Variants in AOPEP observed in about 807,000 individuals in gnomAD.
AOPEP encodes aminopeptidase O (putative).
Under a neutral mutation model 98.1 loss-of-function variants are expected in AOPEP, and 77 were observed. That is an observed-to-expected ratio of 0.78 (90% CI 0.65 to 0.95). The LOEUF is 0.95. Ranked by LOEUF, AOPEP falls within the 40% of genes least tolerant of loss-of-function variation. AOPEP has a pLI of 0.00. For synonymous variants in AOPEP, 346 were observed against 365.3 expected, an observed-to-expected ratio of 0.95 and a Z score of 0.60; for missense variants, 1,024 against 1,024.7, an observed-to-expected ratio of 1.00 and a Z score of 0.01.
At chr9:95,065,542 A>G (rs1166670501) in intron 14 of AOPEP, 2 of 152,276 alleles carry the variant, frequency 1.3e-5, no homozygotes, top group African/African-American at 4.8e-5. Flanking sequence ...TTACTAAGCC[A>G]GCTGGCTCAC....
chr9:94,962,831 C>T (rs1030074860), intron 9 of AOPEP, among the ~76,000 whole-genome samples: 3 of 147,226 alleles, frequency 2.0e-5, no homozygotes, highest in African/African-American at 5.1e-5. Context: ...CTTGTGGGTT[C>T]ACGCCATTCT....
At chr9:95,080,412 G>T (rs1369541327) in intron 14 of AOPEP, among the ~76,000 whole-genome samples, 1 of 152,222 alleles carries the variant, frequency 6.6e-6, no homozygotes, top group Non-Finnish European at 1.5e-5. Context: ...AGCTACTTGG[G>T]AGGCTGAGGC....
At position 94,800,941 on chromosome 9, in the gene AOPEP, C is replaced by G; in HGVS notation, c.1303C>G (p.Pro435Ala). ...AGCACATTCTGTTCTGGGAGCACAC[C>G]CGTTCTCTCGGCTGGATGTTCTCAT... ...SAAHSVLGAH[P>A]FSRLDVLIVP... Residue 435 changes from proline to alanine, a missense_variant, in exon 5 of 17, where the codon CCG becomes GCG. This residue lies in a region of AOPEP where 566 missense variants were observed against 551.7 expected (regional missense o/e 1.03). Coordinates refer to ENST00000375315, the MANE Select transcript of AOPEP (RefSeq NM_001193329.3). The G allele has an allele frequency of 6.2e-7, 1 of 1,614,194 alleles. No individual in the cohort carries two copies. The highest frequency in any genetic ancestry group is 8.5e-7 in the Non-Finnish European group (1 of 1,180,032).
chr9:94,963,661 G>A (rs1267827895), intron 9 of AOPEP, among the ~76,000 whole-genome samples: 1 of 152,134 alleles, frequency 6.6e-6, no homozygotes, highest in African/African-American at 2.4e-5. Context: ...CTGCAGAGGT[G>A]ACAAGCTGGG....
intron 7 of AOPEP, among the ~76,000 whole-genome samples, chr9:94,954,232 A>G (rs1359940184): frequency 1.3e-5 from 2 of 152,088 alleles, no homozygotes; most frequent in Non-Finnish European, 2.9e-5. Context: ...GCTGAAGCAG[A>G]AGGATCATTT....
chr9:95,096,060 G>C, the AOPEP span, among the ~76,000 whole-genome samples: 4 of 152,172 alleles, frequency 2.6e-5, no homozygotes, highest in Non-Finnish European at 5.9e-5. Flanking sequence ...CTCCGAAGCA[G>C]GGGAACTGCT....
Position 94,760,020 on chromosome 9 carries a change from C to A in AOPEP, c.237C>A (p.Pro79=). The change falls in exon 2 of 17, where the codon CCC becomes CCA. Residue 79 remains proline (P), a synonymous_variant. Coordinates refer to ENST00000375315, the MANE Select transcript of AOPEP (RefSeq NM_001193329.3). ...CCTGCAAATTTGGGATGCCTGAACC[C>A]TGCCATATTCCCGTGACAAATGCAA... is the stretch of plus-strand genomic sequence containing the variant. ...NKACKFGMPE[P]CHIPVTNART... The A allele has an allele frequency of 6.2e-7, 1 of 1,614,204 alleles. No homozygotes were observed. Among genetic ancestry groups the A allele is most frequent in the South Asian group, 1.1e-5 (1 of 91,086 alleles).
At chr9:94,735,869 T>C (rs1320654303) in intron 1 of AOPEP, among the ~76,000 whole-genome samples, 1 of 152,236 alleles carries the variant, frequency 6.6e-6, no homozygotes, top group Non-Finnish European at 1.5e-5. Flanking sequence ...TTTCTGTCCC[T>C]GTGGATTTGC....
At chr9:95,002,664 G>C (rs1288114979) in intron 11 of AOPEP, among the ~76,000 whole-genome samples, 1 of 152,200 alleles carries the variant, frequency 6.6e-6, no homozygotes. Flanking sequence ...TTATTAGAAA[G>C]TATAGTGGAG....
intron 7 of AOPEP, among the ~76,000 whole-genome samples, chr9:94,936,192 T>C (rs371956074): frequency 1.9e-4 from 29 of 152,278 alleles, no homozygotes; most frequent in African/African-American, 6.0e-4. Flanking sequence ...ACCTCATGGT[T>C]CTGCCACCTC....
rs114354127 is a variant in AOPEP, at chr9:94,947,812, G to A, written c.1662-7365G>A. On this transcript the variant is annotated intron_variant, in intron 7 of 16. Coordinates refer to ENST00000375315, the MANE Select transcript of AOPEP (RefSeq NM_001193329.3). ...AAGCAGTCAGCCTTATCTGCACAGC[G>A]AGTAAGCAGCAGCACTGGGGTGAAA... Among the ~76,000 whole-genome samples the A allele has an allele frequency of 3.5e-3, 527 of 152,256 alleles. 2 individuals are homozygous for A. Among genetic ancestry groups the A allele is most frequent in the African/African-American group, 0.012 (496 of 41,548 alleles).
chr9:94,773,903 C>T lies in AOPEP; in HGVS notation c.964+735C>T, dbSNP rs1023625265. 2.0e-5 allele frequency among the ~76,000 whole-genome samples: 3 copies of T among 152,086 alleles called. No individual in the cohort carries two copies. The South Asian group carries it at 6.2e-4, about 32-fold the overall frequency. On this transcript the variant is annotated intron_variant, in intron 3 of 16. Coordinates refer to ENST00000375315, the MANE Select transcript of AOPEP (RefSeq NM_001193329.3). ...ACCTCATCCTGCCAAGTAGGTGGAA[C>T]TACAAGTGCATGCTACCACGCCCAG... is the stretch of plus-strand genomic sequence containing the variant.
In AOPEP at chr9:94,921,590, T is replaced by C. The variant is rs537701641; in HGVS notation, c.1365-2396T>C. ...CCTTGAAAGAATATTCTGTTGGTCC[T>C]TTTATGTCAGGATTTTGTTAACAGC... On this transcript the variant is annotated intron_variant, in intron 5 of 16. Coordinates refer to ENST00000375315, the MANE Select transcript of AOPEP (RefSeq NM_001193329.3). 2.0e-5 allele frequency among the ~76,000 whole-genome samples: 3 copies of C among 152,342 alleles called. No individual in the cohort carries two copies. In the South Asian group the frequency reaches 6.2e-4, roughly 32 times the overall value.
At chr9:95,029,819 G>A (rs913506086) in intron 13 of AOPEP, among the ~76,000 whole-genome samples, 2 of 152,078 alleles carry the variant, frequency 1.3e-5, no homozygotes, top group Non-Finnish European at 2.9e-5. Context: ...TGATAGTCTG[G>A]CCTCTCTTTC....
intron 5 of AOPEP, among the ~76,000 whole-genome samples, chr9:94,805,562 T>A (rs1347049797): frequency 1.3e-5 from 2 of 151,428 alleles, no homozygotes; most frequent in African/African-American, 4.9e-5. Context: ...ATAGAAAAAA[T>A]TATCAATTAT....
chr9:94,795,021 C>G (rs914179570), intron 4 of AOPEP, among the ~76,000 whole-genome samples: 2 of 152,178 alleles, frequency 1.3e-5, no homozygotes, highest in Non-Finnish European at 2.9e-5. Flanking sequence ...TGTTCCAAGT[C>G]AGAAACTAAG....
At chr9:94,950,608 C>G (rs1179679700) in intron 7 of AOPEP, among the ~76,000 whole-genome samples, 1 of 152,226 alleles carries the variant, frequency 6.6e-6, no homozygotes, top group Non-Finnish European at 1.5e-5. Context: ...GTCCTGCTCT[C>G]AAAGCTGTCA....
At chr9:95,100,370 A>C in the AOPEP span, 5 of 231,600 alleles carry the variant, frequency 2.2e-5, no homozygotes, top group Non-Finnish European at 3.4e-5. Context: ...TCTTCAGTGG[A>C]TCTATTAGCA....
At chr9:95,109,532 G>A in the AOPEP span, 28 of 151,218 alleles carry the variant, frequency 1.9e-4, no homozygotes, top group African/African-American at 6.8e-4. Flanking sequence ...ATTTTGTTGT[G>A]ATCTGATTCA....
Sources: allele counts gnomAD v4.1 joint callset (sites outside exome capture counted in the v4.1 genomes callset), GRCh38; gene constraint gnomAD v4.1.1; regional missense constraint gnomAD v4.1.1; transcripts MANE v1.5; gene names NCBI Gene and HGNC (gene_info 2026-07-23, HGNC 2026-07-21).